TMEM232: variants seen among roughly 807,000 people sequenced by gnomAD.
The protein encoded by TMEM232 is transmembrane protein 232.
TMEM232 carries 80 observed loss-of-function variants against 78.8 expected under a neutral mutation model. The observed-to-expected ratio is 1.01, with a 90% CI of 0.85 to 1.22. TMEM232 has a LOEUF of 1.22. Among genes scored for constraint, TMEM232 ranks in the 50% most tolerant of loss-of-function variants. The probability of loss-of-function intolerance (pLI) is 0.00; values close to 1 mark genes in which losing one functional copy is unlikely to be tolerated. For synonymous variants in TMEM232, 297 were observed against 254.3 expected (o/e 1.17, Z -1.60); for missense variants, 881 against 742.2 (o/e 1.19, Z -2.17).
Position 110,619,586 on chromosome 5 carries a change from C to G in TMEM232, c.769-1024G>C, listed in dbSNP as rs545961203. 5.3e-5 allele frequency among the ~76,000 whole-genome samples: 8 copies of G among 152,236 alleles called. No individual in the cohort carries two copies. In the South Asian group the frequency reaches 1.2e-3, roughly 24 times the overall value. On this transcript the variant is annotated intron_variant, in intron 7 of 13. Coordinates refer to ENST00000455884, the MANE Select transcript of TMEM232 (RefSeq NM_001039763.4). ...CAATTCAGTGTTGACAGTGTTAGAA[C>G]ACACCACAGAAAAGCACTATTCTAA... is the stretch of plus-strand genomic sequence containing the variant.
chr5:110,404,102 T>A (rs1333636012), intron 2 of TMEM232, among the ~76,000 whole-genome samples: 2 of 152,064 alleles, frequency 1.3e-5, no homozygotes, highest in Non-Finnish European at 2.9e-5. Flanking sequence ...CCTCTTCCCA[T>A]CTCGCCATTT....
rs1580690498 is a variant in TMEM232 at position 110,692,849 on chromosome 5, G to A, written c.-12-25485C>T. Among the ~76,000 whole-genome samples the A allele has an allele frequency of 2.0e-5, 3 of 152,322 alleles. No homozygotes were observed. In the South Asian group the frequency reaches 6.2e-4, roughly 32 times the overall value. On this transcript the variant is annotated intron_variant, in intron 1 of 13. Coordinates refer to ENST00000455884, the MANE Select transcript of TMEM232 (RefSeq NM_001039763.4). Reference sequence around the variant, plus strand: ...CATCACAGCTCAAGGAGGCTGGCCTGCCTGCCTCTGTAGGCTCCACCTCTA... The same window carrying A: ...CATCACAGCTCAAGGAGGCTGGCCTACCTGCCTCTGTAGGCTCCACCTCTA...
rs1456245997 is a variant in TMEM232 at position 110,618,549 on chromosome 5, A to C, written c.782T>G (p.Ile261Ser). 1 of 1,548,162 alleles carries C rather than the reference A, an allele frequency of 6.5e-7. No homozygotes were observed. Among genetic ancestry groups the C allele is most frequent in the Non-Finnish European group, 8.7e-7 (1 of 1,146,026 alleles). The change falls in exon 8 of 14, where the codon ATT becomes AGT. Residue 261 changes from isoleucine to serine, a missense_variant. Transcript: ENST00000455884. The part of the protein sequence containing the change: ...NTDSDMGGYE[I>S]NHLLWHCVAA... ...AACACAGTGCCAGAGCAGGTGGTTAATTTCATATCCTCCCTGATTAAATTG... is the reference window on the plus strand; with the variant it reads ...AACACAGTGCCAGAGCAGGTGGTTACTTTCATATCCTCCCTGATTAAATTG...
At chr5:110,513,732 T>C (rs1386497398) in intron 12 of TMEM232, 2 of 163,082 alleles carry the variant, frequency 1.2e-5, no homozygotes, top group East Asian at 3.8e-4. Flanking sequence ...TGCTTATACA[T>C]TATTGGTGAA....
chr5:110,524,136 G>T (rs1454677969), intron 12 of TMEM232, among the ~76,000 whole-genome samples: 1 of 150,764 alleles, frequency 6.6e-6, no homozygotes, highest in Non-Finnish European at 1.5e-5. Context: ...GGTGGTGCGT[G>T]CCTGTAGTCC....
chr5:110,632,446 A>C (rs556484928), intron 5 of TMEM232, among the ~76,000 whole-genome samples: 1 of 152,310 alleles, frequency 6.6e-6, no homozygotes, highest in African/African-American at 2.4e-5. Flanking sequence ...AAATCAAATT[A>C]TGACACTAAA....
chr5:110,555,444 T>C (rs1774962469), intron 11 of TMEM232, among the ~76,000 whole-genome samples: 1 of 152,202 alleles, frequency 6.6e-6, no homozygotes, highest in South Asian at 2.1e-4. Flanking sequence ...TTTTAGAATA[T>C]GTGCAATATG....
chr5:110,558,816 G>T lies in TMEM232; in HGVS notation c.1455+9631C>A, dbSNP rs567008360. Among the ~76,000 whole-genome samples, 28 of 152,274 alleles carry T rather than the reference G, an allele frequency of 1.8e-4. No individual in the cohort carries two copies. In the South Asian group the frequency reaches 3.7e-3, roughly 20 times the overall value. ...AGCTCAAATGTCCGTGGGGATTATG[G>T]GGTCTCCTGCAGCTAGGAATCTACA... is the stretch of plus-strand genomic sequence containing the variant. On this transcript the variant is annotated intron_variant, in intron 11 of 13. Coordinates refer to ENST00000455884, the MANE Select transcript of TMEM232 (RefSeq NM_001039763.4).
Position 110,642,354 on chromosome 5 carries a change from G to T in TMEM232, c.143C>A (p.Thr48Lys). 10 of 1,516,940 alleles carry T rather than the reference G, an allele frequency of 6.6e-6. No homozygotes were observed. The highest frequency in any genetic ancestry group is 7.9e-6 in the Non-Finnish European group (9 of 1,134,020). The allele number at this position is 1,516,940 out of a possible 1,614,324, so 94.0% of individuals were successfully genotyped here. A position where few individuals can be genotyped will look rare whatever the true frequency, so the allele number is the denominator to read the frequency against. ...GHKSRPTFSI[T>K]KEFILRFNQT... is the part of the protein sequence containing the mutation. ...ATTGAATCTCAAGATGAATTCTTTT[G>T]TGATTGAAAATGTTGGCCTAAATAA... Residue 48 changes from threonine (T) to lysine (K), a missense_variant, in exon 3 of 14, where the codon ACA (threonine) becomes AAA (lysine). By Grantham distance (78) the Thr-to-Lys change is moderately conservative (BLOSUM62 -1). Transcript: ENST00000455884.
rs1300270141 is a variant in TMEM232, at chr5:110,406,287, C to T, written n.309-8433G>A. Among the ~76,000 whole-genome samples, 9 of 151,618 alleles carry T rather than the reference C, an allele frequency of 5.9e-5. No homozygotes were observed. The South Asian group carries it at 1.7e-3, about 28-fold the overall frequency. On this transcript the variant is annotated intron_variant and non_coding_transcript_variant, in intron 2 of 8. Coordinates refer to the TMEM232 transcript ENST00000507188. ...ATATACACACACACACACACACACA[C>T]ACACACACACACACACACATATGTG...
chr5:110,446,956 G>T (rs977889446), intron 12 of TMEM232, among the ~76,000 whole-genome samples: 1 of 151,790 alleles, frequency 6.6e-6, no homozygotes, highest in African/African-American at 2.4e-5. Flanking sequence ...TAAAGCTAGA[G>T]TTTAAAATGG....
chr5:110,412,567 CT>C (rs66505851), intron 2 of TMEM232, among the ~76,000 whole-genome samples: 25,204 of 147,584 alleles, frequency 0.17, 2,580 homozygotes, highest in East Asian at 0.31. Context: ...TAGCCAAACT[CT>C]TTTTTTTTTT....
At position 110,692,009 on chromosome 5, in the gene TMEM232, C is replaced by G. The variant is rs111677909; in HGVS notation, c.-12-24645G>C. 1.0e-2 allele frequency among the ~76,000 whole-genome samples: 1,519 copies of G among 152,272 alleles called. 14 individuals are homozygous for G. Among genetic ancestry groups the G allele is most frequent in the African/African-American group, 0.034 (1,422 of 41,534 alleles). On this transcript the variant is annotated intron_variant, in intron 1 of 13. Transcript: ENST00000455884. ...GATCTCGGCTCACTGCAAGCCCCAC[C>G]TCCTGGGTTCAAGCCATTCTCTTGC...
At chr5:110,443,363 A>C (rs1759276106) in intron 12 of TMEM232, among the ~76,000 whole-genome samples, 1 of 152,072 alleles carries the variant, frequency 6.6e-6, no homozygotes, top group African/African-American at 2.4e-5. Context: ...GTGGCCACTA[A>C]TACCACTGGC....
chr5:110,699,608 T>C (rs1356699216), intron 1 of TMEM232, among the ~76,000 whole-genome samples: 3 of 152,020 alleles, frequency 2.0e-5, no homozygotes, highest in Admixed American at 6.6e-5. Flanking sequence ...ATGATAAAAT[T>C]GCTTCTATAC....
intron 12 of TMEM232, among the ~76,000 whole-genome samples, chr5:110,487,977 A>T (rs1764652919): frequency 6.6e-6 from 1 of 152,048 alleles, no homozygotes; most frequent in African/African-American, 2.4e-5. Context: ...TTCTGCTGTG[A>T]ATCCATCTGG....
At chr5:110,408,456 G>T (rs997128996) in intron 2 of TMEM232, among the ~76,000 whole-genome samples, 2 of 151,972 alleles carry the variant, frequency 1.3e-5, no homozygotes, top group Non-Finnish European at 2.9e-5. Flanking sequence ...GCTGGGTATG[G>T]TGGTGCATGC....
chr5:110,527,123 G>A lies in TMEM232; in HGVS notation c.1703+1465C>T, dbSNP rs534130611. 2.9e-3 allele frequency among the ~76,000 whole-genome samples: 437 copies of A among 151,784 alleles called. 2 individuals carry two copies. Among genetic ancestry groups the A allele is most frequent in the African/African-American group, 0.01 (422 of 41,484 alleles). ...ATGGGGGGTAAATCAGGGAAAGAAG[G>A]GTCTATAATCTAAAGAAAGTTAACT... On this transcript the variant is annotated intron_variant, in intron 12 of 13. Coordinates refer to ENST00000455884, the MANE Select transcript of TMEM232 (RefSeq NM_001039763.4).
At chr5:110,490,434 T>G (rs1764962750) in intron 12 of TMEM232, among the ~76,000 whole-genome samples, 1 of 152,174 alleles carries the variant, frequency 6.6e-6, no homozygotes, top group Non-Finnish European at 1.5e-5. Context: ...ATAATAATAC[T>G]CTGTGAATTA....
Sources: gnomAD v4.1 joint callset for allele counts (sites outside exome capture counted in the v4.1 genomes callset) on GRCh38, gnomAD v4.1.1 for gene constraint, MANE v1.5 for transcripts, NCBI Gene and HGNC (gene_info 2026-07-23, HGNC 2026-07-21) for gene names.